ATM: variants seen among roughly 807,000 people sequenced by gnomAD.
ATM encodes the protein ATM serine/threonine kinase, also known as serine-protein kinase ATM.
ATM carries 308 observed loss-of-function variants against 387.0 expected under a neutral mutation model. That is an observed-to-expected ratio of 0.80 (90% CI 0.73 to 0.87). The LOEUF is 0.87. ATM is among the 40% of genes least tolerant of loss of function. ATM has a pLI of 0.00. For missense variants in ATM, 3,312 were observed against 3,560.9 expected, an observed-to-expected ratio of 0.93 and a Z score of 1.78; for synonymous variants, 1,156 against 1,187.3, an observed-to-expected ratio of 0.97 and a Z score of 0.54.
chr11:108,315,203 C>T (rs1380129226), intron 40 of ATM, among the ~76,000 whole-genome samples: 2 of 152,184 alleles, frequency 1.3e-5, no homozygotes, highest in Non-Finnish European at 2.9e-5. Context: ...CAGATACTCA[C>T]AACACAATAA....
rs797045030 is a variant in ATM at position 108,315,864 on chromosome 11, T to TA, written c.6049dup (p.Ser2017LysfsTer16). 6.2e-7 allele frequency: 1 copy of TA among 1,613,516 alleles called. No individual in the cohort carries two copies. Among genetic ancestry groups the TA allele is most frequent in the Non-Finnish European group, 8.5e-7 (1 of 1,179,410 alleles). ...TCTACAGAAGTATAGGGGAGCCAGA[T>TA]AGTTTGTATGGCTGTGGTGGAGGGA... On this transcript the variant is annotated frameshift_variant, in exon 41 of 63. Coordinates refer to ENST00000675843, the MANE Select transcript of ATM (RefSeq NM_000051.4). LOFTEE classifies it high-confidence loss of function.
At position 108,331,475 on chromosome 11, in the gene ATM, T is replaced by G. The variant is rs774312539; in HGVS notation, c.7547T>G (p.Phe2516Cys). ...RDGMKIPTYK[F>C]LPLMYQLAAR... Reference sequence around the variant, plus strand: ...GGAATGAAGATTCCAACATATAAATTTTTGCCTCTTATGTACCAATTGGCT... The same window carrying G: ...GGAATGAAGATTCCAACATATAAATGTTTGCCTCTTATGTACCAATTGGCT... Residue 2516 changes from phenylalanine (F) to cysteine (C), a missense_variant, in exon 51 of 63, where the codon TTT becomes TGT. Phe to Cys is a radical substitution (Grantham distance 205). This residue lies in a region of ATM where 1,405 missense variants were observed against 1,604.4 expected (regional missense o/e 0.88). Coordinates refer to ENST00000675843, the MANE Select transcript of ATM (RefSeq NM_000051.4). The G allele has an allele frequency of 1.4e-5, 23 of 1,613,294 alleles. No homozygotes were observed.
chr11:108,364,481 T>A (rs1409472141), intron 61 of ATM, among the ~76,000 whole-genome samples: 1 of 152,164 alleles, frequency 6.6e-6, no homozygotes, highest in African/African-American at 2.4e-5. Flanking sequence ...CTAATATATA[T>A]CTCAAGATTC....
rs4987944 is a variant in ATM, at chr11:108,251,643, T to C, written c.1608-194T>C. Among the ~76,000 whole-genome samples the C allele has an allele frequency of 4.8e-3, 728 of 152,358 alleles. 3 individuals carry two copies. Among genetic ancestry groups the C allele is most frequent in the African/African-American group, 0.016 (678 of 41,598 alleles). On this transcript the variant is annotated intron_variant, in intron 10 of 62. Transcript: ENST00000675843. The stretch of plus-strand genomic sequence containing the variant: ...ATTTATTAAATAGCCATGTTTAAAT[T>C]GTAGTACTATGCACTGTTAATAAAC...
chr11:108,347,679 T>C lies in ATM; in HGVS notation c.8671+314T>C, dbSNP rs147023766. Among the ~76,000 whole-genome samples, 387 of 152,154 alleles carry C rather than the reference T, an allele frequency of 2.5e-3. 1 individual carries two copies. The highest frequency in any genetic ancestry group is 4.4e-3 in the Non-Finnish European group (297 of 67,950). ...GCTATTCCACCAAAACAAGGAGTAA[T>C]TTTAAGATGTAGCATGTTGTGGGAG... On this transcript the variant is annotated intron_variant, in intron 59 of 62. Coordinates refer to ENST00000675843, the MANE Select transcript of ATM (RefSeq NM_000051.4).
intron 36 of ATM, 78 bp downstream of exon 36, chr11:108,303,107 A>G (rs2135932889): frequency 2.3e-6 from 3 of 1,308,468 alleles, no homozygotes; most frequent in Admixed American, 1.8e-5. Flanking sequence ...ACTGCACATC[A>G]TCTTCACATA....
At chr11:108,308,914 G>C (rs1355117140) in intron 38 of ATM, 2 of 1,001,258 alleles carry the variant, frequency 2.0e-6, no homozygotes, top group African/African-American at 3.2e-5. Flanking sequence ...GTAGTGGAGA[G>C]CATTTGTTTT....
intron 12 of ATM, 132 bp from the exon 13 acceptor site, chr11:108,253,682 A>G (rs992226656): frequency 6.5e-5 from 38 of 580,628 alleles, no homozygotes; most frequent in African/African-American, 5.0e-4. Flanking sequence ...AGAATAATCT[A>G]TTAATTATAT....
chr11:108,363,752 A>AT (rs768990123), intron 61 of ATM, among the ~76,000 whole-genome samples: 1 of 152,090 alleles, frequency 6.6e-6, no homozygotes, highest in Admixed American at 6.5e-5. Flanking sequence ...CTGAAACATA[A>AT]TTTTTTACTT....
At chr11:108,318,379 T>G (rs2084932279) in intron 43 of ATM, among the ~76,000 whole-genome samples, 1 of 147,732 alleles carries the variant, frequency 6.8e-6, no homozygotes, top group South Asian at 2.2e-4. Context: ...ATAAATAAAA[T>G]AAAAAAAATA....
chr11:108,272,940 T>G, intron 22 of ATM, 88 bp downstream of exon 22: 1 of 1,512,442 alleles, frequency 6.6e-7, no homozygotes, highest in Non-Finnish European at 9.1e-7. Flanking sequence ...GTTGCAATAT[T>G]AAAAATAGCT....
chr11:108,250,824 A>T lies in ATM; in HGVS notation c.1359A>T (p.Pro453=), dbSNP rs786203693. The part of the protein sequence containing the change: ...LPQQRHGERT[P]YVLRCLTEVA... ...AACAGCGACATGGGGAACGTACACC[A>T]TATGTGTTACGATGCCTTACGGAAG... The change falls in exon 10 of 63, where the codon CCA becomes CCT. Residue 453 remains proline, a synonymous_variant. Transcript: ENST00000675843. 2 of 1,614,134 alleles carry T rather than the reference A, an allele frequency of 1.2e-6. No homozygotes were observed. Among genetic ancestry groups the T allele is most frequent in the Non-Finnish European group, 1.7e-6 (2 of 1,180,028 alleles).
Position 108,257,602 on chromosome 11 carries a change from C to T in ATM, c.2372C>T (p.Thr791Ile), listed in dbSNP as rs2135408339. 6.2e-7 allele frequency: 1 copy of T among 1,613,374 alleles called. No individual in the cohort carries two copies. ...QLCTRCLSNC[T>I]KKSPNKIASG... is the part of the protein sequence containing the mutation. ...TGTACACGTTGCTTGAGCAACTGTACCAAGGTAAGATTTTCTTCTTCTTGT... is the reference window on the plus strand; with the variant it reads ...TGTACACGTTGCTTGAGCAACTGTATCAAGGTAAGATTTTCTTCTTCTTGT... Residue 791 changes from threonine (T) to isoleucine (I), a missense_variant, in exon 15 of 63, where the codon ACC becomes ATC. This residue lies in a region of ATM where 1,791 missense variants were observed against 1,804.5 expected (regional missense o/e 0.99). Coordinates refer to ENST00000675843, the MANE Select transcript of ATM (RefSeq NM_000051.4).
rs2234995 is a variant in ATM at position 108,268,637 on chromosome 11, T to TA, written c.2838+28_2838+29insA. On this transcript the variant is annotated intron_variant, in intron 18 of 62. Transcript: ENST00000675843. ...GAGTTACGTTAAATGAAGAAGCTCT[T>TA]GGATTTTATCTGATGTTGCTGACTA... The TA allele has an allele frequency of 6.8e-3, 10,883 of 1,605,466 alleles. 40 individuals carry two copies. Among genetic ancestry groups the TA allele is most frequent in the African/African-American group, 7.8e-3 (582 of 74,854 alleles).
intron 40 of ATM, among the ~76,000 whole-genome samples, chr11:108,314,410 TAC>T (rs1251177046): frequency 6.6e-6 from 1 of 152,076 alleles, no homozygotes; most frequent in African/African-American, 2.4e-5. Context: ...CCAGCCCATG[TAC>T]AGTTTTAGGT....
Position 108,289,647 on chromosome 11 carries a change from G to A in ATM, c.4282G>A (p.Glu1428Lys), listed in dbSNP as rs1369272813. The change falls in exon 29 of 63, where the codon GAA becomes AAA. Residue 1428 changes from glutamate (E) to lysine (K), a missense_variant. By Grantham distance (56) the Glu-to-Lys change is moderately conservative. Transcript: ENST00000675843. ...TCTTGCCATATGTGAGCAAGCAGCT[G>A]AAACAAATAATGTTTATAAGAAGCA... Reference protein sequence around the residue: ...ILLAICEQAAETNNVYKKHRI... With the variant: ...ILLAICEQAAKTNNVYKKHRI... 4 of 1,611,184 alleles carry A rather than the reference G, an allele frequency of 2.5e-6. No homozygotes were observed. In the South Asian group the frequency reaches 4.4e-5, roughly 18 times the overall value.
chr11:108,289,106 A>T lies in ATM; in HGVS notation c.4236+3A>T, dbSNP rs762329707. On this transcript the variant is annotated splice_donor_region_variant and intron_variant, in intron 28 of 62. Transcript: ENST00000675843. ...TAGAAATTCTTTCCAAAAGCCCTGT[A>T]AGTATACATGATGAGTTTAATAATA... 1.2e-6 allele frequency: 2 copies of T among 1,606,524 alleles called. No homozygotes were observed. Among genetic ancestry groups the T allele is most frequent in the Non-Finnish European group, 1.7e-6 (2 of 1,173,798 alleles).
At chr11:108,308,485 T>G in intron 38 of ATM, 1 of 192,766 alleles carries the variant, frequency 5.2e-6, no homozygotes, top group Non-Finnish European at 1.1e-5. Context: ...GGTAAATTGT[T>G]TTATAGTATA....
rs373142548 is a variant in ATM, at chr11:108,298,020, T to G, written c.5005+638T>G. ...GACAGGTACTCAGTGTCTTTTGTTA[T>G]GTAGCAGACATAAGAATGAAGACTT... On this transcript the variant is annotated intron_variant, in intron 33 of 62. Transcript: ENST00000675843. Among the ~76,000 whole-genome samples, 5 of 152,368 alleles carry G rather than the reference T, an allele frequency of 3.3e-5. No homozygotes were observed. In the East Asian group the frequency reaches 7.7e-4, roughly 23 times the overall value.
Sources: allele counts gnomAD v4.1 joint callset (sites outside exome capture counted in the v4.1 genomes callset), GRCh38; gene constraint gnomAD v4.1.1; regional missense constraint gnomAD v4.1.1; transcripts MANE v1.5; gene names NCBI Gene and HGNC (gene_info 2026-07-23, HGNC 2026-07-21).